Variants in MS4A4E observed in about 807,000 individuals in gnomAD.
The protein encoded by MS4A4E is membrane spanning 4-domains A4E.
Under a neutral mutation model 13.3 loss-of-function variants are expected in MS4A4E, and 23 were observed. That is an observed-to-expected ratio of 1.73 (90% CI 1.25 to 2.45). MS4A4E has a LOEUF of 2.45. Ranked by LOEUF, MS4A4E falls within the 30% of genes most tolerant of loss-of-function variation. MS4A4E has a pLI of 0.00. For synonymous variants in MS4A4E, 36 were observed against 45.6 expected, an observed-to-expected ratio of 0.79 and a Z score of 0.85; for missense variants, 144 against 131.2, an observed-to-expected ratio of 1.10 and a Z score of -0.48.
chr11:60,235,755 T>C (rs530834946), intron 1 of MS4A4E, among the ~76,000 whole-genome samples: 2 of 152,294 alleles, frequency 1.3e-5, no homozygotes, highest in South Asian at 2.1e-4. Flanking sequence ...AATTGGAAGG[T>C]ATGTATTAAA....
At chr11:60,242,919 T>A in intron 1 of MS4A4E, 39 bp downstream of exon 1, 1 of 1,450,408 alleles carries the variant, frequency 6.9e-7, no homozygotes. Context: ...AAACAAACTA[T>A]CAGTCCGAGA....
intron 1 of MS4A4E, among the ~76,000 whole-genome samples, chr11:60,232,909 C>A (rs1201208860): frequency 2.6e-5 from 4 of 152,180 alleles, no homozygotes; most frequent in African/African-American, 9.7e-5. Flanking sequence ...TCCATGCCCC[C>A]ATCTTAGTCG....
rs561648992 is a variant in MS4A4E at position 60,223,123 on chromosome 11, C to T, written c.178+5471G>A. On this transcript the variant is annotated intron_variant, in intron 3 of 8. Coordinates refer to ENST00000651255, the MANE Select transcript of MS4A4E (RefSeq NM_001393391.1). Reference sequence around the variant, plus strand: ...ATACAGAATCGGTGGTAGAAGAAGGCTGTCATCAATACCAGCTACAACCAT... The same window carrying T: ...ATACAGAATCGGTGGTAGAAGAAGGTTGTCATCAATACCAGCTACAACCAT... Among the ~76,000 whole-genome samples the T allele has an allele frequency of 7.2e-5, 11 of 152,066 alleles. No homozygotes were observed. The East Asian group carries it at 2.1e-3, about 29-fold the overall frequency.
intron 7 of MS4A4E, among the ~76,000 whole-genome samples, chr11:60,205,266 A>G (rs974165017): frequency 2.6e-5 from 4 of 152,162 alleles, no homozygotes; most frequent in African/African-American, 9.7e-5. Context: ...GCATATAAAA[A>G]TGTTTTGATT....
chr11:60,214,702 T>C (rs572673686), intron 3 of MS4A4E, 88 bp from the exon 4 acceptor site: 1 of 803,090 alleles, frequency 1.2e-6, no homozygotes, highest in South Asian at 1.8e-5. Flanking sequence ...TAAACTTTAT[T>C]CCAAATTAGA....
Position 60,201,431 on chromosome 11 carries a change from A to C in MS4A4E, c.*112T>G. 1 of 202,892 alleles carries C rather than the reference A, an allele frequency of 4.9e-6. No homozygotes were observed. Among genetic ancestry groups the C allele is most frequent in the Non-Finnish European group, 1.0e-5 (1 of 99,168 alleles). The allele number at this position is 202,892 out of a possible 1,614,324, so 12.6% of individuals were successfully genotyped here. A position where few individuals can be genotyped will look rare whatever the true frequency, so the allele number is the denominator to read the frequency against. ...CAGGCGGAGGGTCTCCTCCCTTCTC[A>C]GATGGGGCGGCTGGGCAGAGACGCT... is the stretch of plus-strand genomic sequence containing the variant. On this transcript the variant is annotated 3_prime_UTR_variant, in exon 9 of 9. Coordinates refer to ENST00000651255, the MANE Select transcript of MS4A4E (RefSeq NM_001393391.1).
At chr11:60,222,486 G>T (rs2084281672) in intron 3 of MS4A4E, among the ~76,000 whole-genome samples, 1 of 152,140 alleles carries the variant, frequency 6.6e-6, no homozygotes, top group Admixed American at 6.6e-5. Flanking sequence ...ACTTTTCAGG[G>T]CTGGGGCAAT....
chr11:60,214,011 TCTC>T (rs754965189), intron 4 of MS4A4E, among the ~76,000 whole-genome samples: 17 of 152,112 alleles, frequency 1.1e-4, no homozygotes, highest in East Asian at 3.9e-4. Flanking sequence ...TTCAAGCAAT[TCTC>T]CTGCCTCAGC....
intron 5 of MS4A4E, among the ~76,000 whole-genome samples, chr11:60,209,330 T>C (rs764683618): frequency 3.9e-5 from 6 of 152,190 alleles, no homozygotes; most frequent in Non-Finnish European, 7.3e-5. Context: ...AGATGCTGCA[T>C]TGCTTGATTT....
chr11:60,226,456 T>C (rs2084345556), intron 3 of MS4A4E, among the ~76,000 whole-genome samples: 1 of 152,162 alleles, frequency 6.6e-6, no homozygotes. Flanking sequence ...ATGGGATTTA[T>C]CCCAGATATG....
At chr11:60,237,213 C>G (rs554276550) in intron 1 of MS4A4E, among the ~76,000 whole-genome samples, 14 of 152,072 alleles carry the variant, frequency 9.2e-5, no homozygotes, top group Non-Finnish European at 2.1e-4. Flanking sequence ...TTTTCTGTTC[C>G]TGTGTTAGTT....
chr11:60,225,523 G>A (rs1392296030), intron 3 of MS4A4E, among the ~76,000 whole-genome samples: 6 of 152,142 alleles, frequency 3.9e-5, no homozygotes, highest in East Asian at 1.9e-4. Flanking sequence ...TTTTCTTGAC[G>A]TCTGGGCCTG....
chr11:60,219,944 A>C (rs1378541216), intron 3 of MS4A4E, among the ~76,000 whole-genome samples: 2 of 148,772 alleles, frequency 1.3e-5, no homozygotes, highest in East Asian at 3.9e-4. Flanking sequence ...TCCTGCATTC[A>C]TTTCCCCAGT....
At chr11:60,211,728 C>G (rs1349942845) in intron 5 of MS4A4E, among the ~76,000 whole-genome samples, 1 of 152,152 alleles carries the variant, frequency 6.6e-6, no homozygotes, top group Non-Finnish European at 1.5e-5. Context: ...GGCTGGCCAA[C>G]ATGGAGAAAC....
intron 1 of MS4A4E, among the ~76,000 whole-genome samples, chr11:60,233,714 G>T (rs1239227269): frequency 6.6e-6 from 1 of 152,198 alleles, no homozygotes; most frequent in East Asian, 1.9e-4. Context: ...ATAGCTATGG[G>T]AGTGGAGCCA....
intron 1 of MS4A4E, among the ~76,000 whole-genome samples, chr11:60,241,191 T>C (rs1348132838): frequency 1.3e-5 from 2 of 152,000 alleles, no homozygotes; most frequent in African/African-American, 4.8e-5. Flanking sequence ...GCCTGGCTAA[T>C]TTTTTTGTAT....
chr11:60,206,807 A>G (rs765700003), intron 6 of MS4A4E: 26 of 229,024 alleles, frequency 1.1e-4, no homozygotes, highest in Admixed American at 3.4e-4. Flanking sequence ...TCCTGCCCAC[A>G]TAAAGTCATC....
chr11:60,203,529 G>T (rs746491073), intron 8 of MS4A4E, among the ~76,000 whole-genome samples: 1 of 152,116 alleles, frequency 6.6e-6, no homozygotes, highest in Middle Eastern at 3.4e-3. Context: ...TGGGTGGATC[G>T]CCTGAGCTCA....
rs190928968 is a variant in MS4A4E at position 60,201,805 on chromosome 11, G to A, written c.734C>T (p.Pro245Leu). The A allele has an allele frequency of 2.3e-3, 523 of 230,298 alleles. 2 individuals are homozygous for A. The highest frequency in any genetic ancestry group is 0.011 in the African/African-American group (459 of 42,158). The allele number at this position is 230,298 out of a possible 1,614,324, so 14.3% of individuals were successfully genotyped here. The change falls in exon 9 of 9, where the codon CCC becomes CTC. Residue 245 changes from proline to leucine, a missense_variant. Physicochemically the swap from Pro to Leu is moderately conservative, Grantham distance 98. This residue lies in a region of MS4A4E where 21 missense variants were observed against 25.1 expected (regional missense o/e 0.84). Coordinates refer to ENST00000651255, the MANE Select transcript of MS4A4E (RefSeq NM_001393391.1). ...TTTGGGAGGCCAAGGCAGGCGGCTG[G>A]GAGGTGGAGGTTGTAGGGAGCCGAG... Reference protein sequence around the residue: ...RDLGSLQPPPPSRLPWPPKVP... With the variant: ...RDLGSLQPPPLSRLPWPPKVP...
Sources: gnomAD v4.1 joint callset for allele counts (sites outside exome capture counted in the v4.1 genomes callset) on GRCh38, gnomAD v4.1.1 for gene constraint, gnomAD v4.1.1 regional missense constraint, MANE v1.5 for transcripts, NCBI Gene and HGNC (gene_info 2026-07-23, HGNC 2026-07-21) for gene names.